Variants in ARNT2 observed in about 807,000 individuals in gnomAD.
The protein encoded by ARNT2 is aryl hydrocarbon receptor nuclear translocator 2.
ARNT2 carries 36 observed loss-of-function variants against 91.7 expected under a neutral mutation model. That is an observed-to-expected ratio of 0.39 (90% CI 0.30 to 0.52). ARNT2 has a LOEUF of 0.52. Ranked by LOEUF, ARNT2 falls within the 20% of genes least tolerant of loss-of-function variation. The probability of loss-of-function intolerance (pLI) is 0.72; values close to 1 mark genes in which losing one functional copy is unlikely to be tolerated. For synonymous variants in ARNT2, 365 were observed against 347.1 expected, an observed-to-expected ratio of 1.05 and a Z score of -0.57; for missense variants, 775 against 939.3, an observed-to-expected ratio of 0.83 and a Z score of 2.29.
At chr15:80,489,058 T>C (rs534405503) in intron 5 of ARNT2, among the ~76,000 whole-genome samples, 33 of 152,398 alleles carry the variant, frequency 2.2e-4, no homozygotes, top group African/African-American at 7.5e-4. Context: ...AAAAGACGAA[T>C]TGAATCATTG....
In ARNT2 at chr15:80,463,939, A is replaced by T. The variant is rs1048707798; in HGVS notation, c.194+5963A>T. Among the ~76,000 whole-genome samples, 7 of 152,224 alleles carry T rather than the reference A, an allele frequency of 4.6e-5. 1 individual carries two copies. On this transcript the variant is annotated intron_variant, in intron 3 of 18. Transcript: ENST00000303329. ...CCTGCACCTTGATGTGTTTCTTACC[A>T]TGTTTAGCTATGCTACCCGCTTCAG...
intron 8 of ARNT2, among the ~76,000 whole-genome samples, chr15:80,529,161 G>A (rs546222804): frequency 3.9e-5 from 6 of 152,286 alleles, no homozygotes; most frequent in African/African-American, 1.2e-4. Context: ...TGTTGCTCTC[G>A]AATTCTTGGT....
At chr15:80,449,676 G>A (rs1896358600) in intron 1 of ARNT2, among the ~76,000 whole-genome samples, 1 of 152,196 alleles carries the variant, frequency 6.6e-6, no homozygotes, top group Non-Finnish European at 1.5e-5. Context: ...AGTTTTGAGT[G>A]GGATAGTTCA....
chr15:80,535,499 A>G (rs1293711732), intron 8 of ARNT2, among the ~76,000 whole-genome samples: 1 of 152,174 alleles, frequency 6.6e-6, no homozygotes, highest in Non-Finnish European at 1.5e-5. Flanking sequence ...TTCATTAGTG[A>G]AATTGAGCAT....
chr15:80,550,318 C>T (rs140894554), intron 8 of ARNT2, among the ~76,000 whole-genome samples: 298 of 152,292 alleles, frequency 2.0e-3, no homozygotes, highest in African/African-American at 6.6e-3. Context: ...TGATATTTAA[C>T]GTGCTCTTAT....
At chr15:80,543,137 G>A (rs1286408110) in intron 8 of ARNT2, among the ~76,000 whole-genome samples, 2 of 146,508 alleles carry the variant, frequency 1.4e-5, no homozygotes, top group Non-Finnish European at 1.5e-5. Context: ...GTGCGTATAT[G>A]CCTCTTGCCT....
At chr15:80,489,933 C>G (rs1897030091) in intron 5 of ARNT2, among the ~76,000 whole-genome samples, 1 of 152,156 alleles carries the variant, frequency 6.6e-6, no homozygotes, top group Non-Finnish European at 1.5e-5. Context: ...AGTTCCTCAT[C>G]AGTGTTGGTG....
chr15:80,561,963 A>G (rs1474411668), intron 11 of ARNT2, among the ~76,000 whole-genome samples: 1 of 152,214 alleles, frequency 6.6e-6, no homozygotes, highest in African/African-American at 2.4e-5. Context: ...AGGAAACAGC[A>G]TAGCATCTAT....
chr15:80,508,105 T>C, intron 5 of ARNT2, 51 bp from the exon 6 acceptor site: 1 of 1,583,424 alleles, frequency 6.3e-7, no homozygotes, highest in Non-Finnish European at 8.7e-7. Context: ...CCCTCCTCCA[T>C]CTCCCAACCG....
chr15:80,513,466 G>A (rs1370370673), intron 6 of ARNT2, among the ~76,000 whole-genome samples: 3 of 152,216 alleles, frequency 2.0e-5, no homozygotes, highest in Non-Finnish European at 4.4e-5. Flanking sequence ...AGCCTGAGAA[G>A]ATGTTACTGT....
chr15:80,417,229 A>T (rs1214809779), intron 1 of ARNT2, among the ~76,000 whole-genome samples: 2 of 152,194 alleles, frequency 1.3e-5, no homozygotes, highest in African/African-American at 4.8e-5. Context: ...TGCAATTAAC[A>T]ATTGGATCTT....
intron 6 of ARNT2, among the ~76,000 whole-genome samples, chr15:80,512,744 AG>A (rs1897362975): frequency 1.3e-5 from 2 of 152,188 alleles, no homozygotes; most frequent in South Asian, 4.1e-4. Context: ...CATTTCCATT[AG>A]CCCATAAAGC....
intron 1 of ARNT2, among the ~76,000 whole-genome samples, chr15:80,427,634 T>C (rs1377784543): frequency 6.6e-6 from 1 of 152,170 alleles, no homozygotes; most frequent in Non-Finnish European, 1.5e-5. Context: ...GTCGCTGAAG[T>C]TGATAGAATC....
Position 80,597,503 on chromosome 15 carries a change from G to T in ARNT2, c.*3805G>T. ...TTTTCTTTGACCATCTGGAGTCTGGGGCAACTTAAGGAGGCACCACACAGT... is the reference window on the plus strand; with the variant it reads ...TTTTCTTTGACCATCTGGAGTCTGGTGCAACTTAAGGAGGCACCACACAGT... On this transcript the variant is annotated 3_prime_UTR_variant, in exon 19 of 19. Coordinates refer to ENST00000303329, the MANE Select transcript of ARNT2 (RefSeq NM_014862.4). 3.2e-6 allele frequency: 1 copy of T among 315,914 alleles called. No individual in the cohort carries two copies. The allele number at this position is 315,914 out of a possible 1,614,324, so 19.6% of individuals were successfully genotyped here. A position where few individuals can be genotyped will look rare whatever the true frequency, so the allele number is the denominator to read the frequency against.
intron 5 of ARNT2, among the ~76,000 whole-genome samples, chr15:80,507,451 AG>A (rs1263832891): frequency 6.6e-6 from 1 of 152,110 alleles, no homozygotes; most frequent in Non-Finnish European, 1.5e-5. Context: ...GCTGATGTTT[AG>A]GGAGGGTTTG....
At chr15:80,505,193 A>G (rs1897256868) in intron 5 of ARNT2, among the ~76,000 whole-genome samples, 2 of 152,240 alleles carry the variant, frequency 1.3e-5, no homozygotes. Context: ...AGAGAAAACC[A>G]TGGACCAGCG....
intron 3 of ARNT2, among the ~76,000 whole-genome samples, chr15:80,468,399 G>A (rs1896687997): frequency 6.6e-6 from 1 of 151,902 alleles, no homozygotes; most frequent in Admixed American, 6.6e-5. Flanking sequence ...TGTCCAGCAA[G>A]GTTTCCCAGC....
chr15:80,473,367 C>G (rs1180833845), intron 4 of ARNT2, among the ~76,000 whole-genome samples: 2 of 152,102 alleles, frequency 1.3e-5, no homozygotes, highest in Non-Finnish European at 2.9e-5. Flanking sequence ...AGGGCTTCAT[C>G]CCATAAGACC....
chr15:80,440,852 C>T (rs1026536832), intron 1 of ARNT2, among the ~76,000 whole-genome samples: 4 of 152,208 alleles, frequency 2.6e-5, no homozygotes, highest in Admixed American at 6.5e-5. Context: ...CAGAGGATCT[C>T]ACGGCTGGTT....
Sources: allele counts gnomAD v4.1 joint callset (sites outside exome capture counted in the v4.1 genomes callset), GRCh38; gene constraint gnomAD v4.1.1; transcripts MANE v1.5; gene names NCBI Gene and HGNC (gene_info 2026-07-23, HGNC 2026-07-21).